The following ITPR1 variants were observed in gnomAD, a reference collection of about 807,000 sequenced individuals.
The protein encoded by ITPR1 is inositol 1,4,5-trisphosphate receptor type 1.
ITPR1 carries 96 observed loss-of-function variants against 318.4 expected under a neutral mutation model. That is an observed-to-expected ratio of 0.30 (90% CI 0.26 to 0.36). The LOEUF (loss-of-function observed/expected upper bound fraction) is 0.36. Among genes scored for constraint, ITPR1 ranks in the 10% least tolerant of loss-of-function variants. The pLI is 1.00. For missense variants in ITPR1, 2,440 were observed against 3,460.2 expected (o/e 0.71, Z 7.40); for synonymous variants, 1,312 against 1,289.9 (o/e 1.02, Z -0.37).
chr3:4,785,033 G>T (rs535215682), intron 51 of ITPR1, among the ~76,000 whole-genome samples: 19 of 152,302 alleles, frequency 1.2e-4, no homozygotes, highest in African/African-American at 4.1e-4. Context: ...AAGAAGACAA[G>T]CTGAAGCCAC....
intron 52 of ITPR1, among the ~76,000 whole-genome samples, chr3:4,793,193 T>C (rs2047680010): frequency 2.6e-5 from 4 of 152,240 alleles, no homozygotes; most frequent in Admixed American, 2.6e-4. Flanking sequence ...GTTAGCCTTA[T>C]AAAAATAAGA....
chr3:4,794,906 T>C, intron 52 of ITPR1, 159 bp from the exon 53 acceptor site: 1 of 737,612 alleles, frequency 1.4e-6, no homozygotes, highest in Non-Finnish European at 2.1e-6. Context: ...GATGTCATTA[T>C]GTACCAAGTT....
intron 51 of ITPR1, among the ~76,000 whole-genome samples, chr3:4,784,518 C>A (rs1386863080): frequency 6.6e-6 from 1 of 151,336 alleles, no homozygotes; most frequent in Non-Finnish European, 1.5e-5. Context: ...TGGGGAACCA[C>A]TGGAGAGTTT....
chr3:4,555,943 C>A (rs2086079101), intron 4 of ITPR1, among the ~76,000 whole-genome samples: 1 of 152,158 alleles, frequency 6.6e-6, no homozygotes, highest in African/African-American at 2.4e-5. Flanking sequence ...AGGATTTGCA[C>A]ACAAGCACTT....
At chr3:4,523,158 C>T (rs768699540) in intron 4 of ITPR1, among the ~76,000 whole-genome samples, 48 of 152,250 alleles carry the variant, frequency 3.2e-4, no homozygotes, top group Non-Finnish European at 5.3e-4. Flanking sequence ...GATATGCGTC[C>T]GGAAGGCATT....
At chr3:4,562,617 G>A (rs145839464) in intron 4 of ITPR1, among the ~76,000 whole-genome samples, 273 of 152,092 alleles carry the variant, frequency 1.8e-3, no homozygotes, top group African/African-American at 6.3e-3. Context: ...CCTGTATGTT[G>A]AGATTTTCCA....
In ITPR1 at chr3:4,768,695, C is replaced by T. The variant is rs753430331; in HGVS notation, c.5910C>T (p.Val1970=). The part of the protein sequence containing the change: ...KAKDDLEMSA[V]ITIMQPILRF... Reference sequence around the variant, plus strand: ...AGGACGACCTGGAGATGAGCGCGGTCATCACCATCATGCAGCCCATCCTCC... The same window carrying T: ...AGGACGACCTGGAGATGAGCGCGGTTATCACCATCATGCAGCCCATCCTCC... Residue 1970 remains valine (V), a synonymous_variant, in exon 46 of 62, where the codon GTC becomes GTT. Coordinates refer to ENST00000649015, the MANE Select transcript of ITPR1 (RefSeq NM_001378452.1). The T allele has an allele frequency of 1.7e-5, 28 of 1,613,742 alleles. 1 individual carries two copies. In the Middle Eastern group the frequency reaches 2.0e-3, roughly 114 times the overall value.
At chr3:4,721,044 A>C (rs1439295217) in intron 40 of ITPR1, among the ~76,000 whole-genome samples, 1 of 151,544 alleles carries the variant, frequency 6.6e-6, no homozygotes, top group African/African-American at 2.4e-5. Context: ...ACTGTTAGAC[A>C]CTGGCAACCA....
chr3:4,698,979 C>G (rs1427843319), intron 34 of ITPR1, among the ~76,000 whole-genome samples: 1 of 152,256 alleles, frequency 6.6e-6, no homozygotes, highest in African/African-American at 2.4e-5. Flanking sequence ...GTCAGTTATT[C>G]TGAAATATGG....
At chr3:4,609,519 A>G (rs1480438413) in intron 4 of ITPR1, among the ~76,000 whole-genome samples, 2 of 152,106 alleles carry the variant, frequency 1.3e-5, no homozygotes, top group Non-Finnish European at 2.9e-5. Flanking sequence ...CATTAGGGGT[A>G]CGTTGAATAT....
chr3:4,725,078 C>A (rs944765329), intron 40 of ITPR1, among the ~76,000 whole-genome samples: 1 of 151,978 alleles, frequency 6.6e-6, no homozygotes, highest in Non-Finnish European at 1.5e-5. Context: ...GGGAGAAAGC[C>A]TAAACCCACA....
chr3:4,494,129 C>T (rs553042709), intron 1 of ITPR1, among the ~76,000 whole-genome samples: 7 of 152,328 alleles, frequency 4.6e-5, no homozygotes, highest in African/African-American at 1.7e-4. Context: ...ACTTGGCCTT[C>T]TCGCCGGGAA....
chr3:4,650,006 C>T (rs1001280784), intron 10 of ITPR1, among the ~76,000 whole-genome samples: 2 of 152,178 alleles, frequency 1.3e-5, no homozygotes, highest in Non-Finnish European at 2.9e-5. Context: ...ACATTTAGAC[C>T]ATACCAGATA....
chr3:4,501,918 G>C (rs1030744443), intron 2 of ITPR1, among the ~76,000 whole-genome samples: 1 of 152,160 alleles, frequency 6.6e-6, no homozygotes, highest in Non-Finnish European at 1.5e-5. Flanking sequence ...CAGAACTTCT[G>C]GATGGCTTGA....
At chr3:4,782,872 G>A (rs145990124) in intron 50 of ITPR1, 131 bp downstream of exon 50, 54 of 837,914 alleles carry the variant, frequency 6.4e-5, no homozygotes, top group Non-Finnish European at 8.4e-5. Flanking sequence ...ATGAGCCTGC[G>A]GCTCACAGGT....
At chr3:4,624,341 G>T (rs750847116) in intron 4 of ITPR1, among the ~76,000 whole-genome samples, 19 of 152,174 alleles carry the variant, frequency 1.2e-4, no homozygotes, top group Non-Finnish European at 2.5e-4. Context: ...CATTAAGGAA[G>T]CCATTCTGGC....
At chr3:4,825,273 A>G (rs1375180745) in intron 60 of ITPR1, among the ~76,000 whole-genome samples, 1 of 152,174 alleles carries the variant, frequency 6.6e-6, no homozygotes, top group East Asian at 1.9e-4. Context: ...CTCTTCAGAA[A>G]CTAGCTATAC....
chr3:4,842,477 C>T (rs2051422351), intron 61 of ITPR1, among the ~76,000 whole-genome samples: 1 of 152,178 alleles, frequency 6.6e-6, no homozygotes, highest in African/African-American at 2.4e-5. Flanking sequence ...AAGTGATTCT[C>T]CTGCTTCAGG....
chr3:4,698,067 G>A (rs1361945726), intron 34 of ITPR1, among the ~76,000 whole-genome samples: 1 of 149,948 alleles, frequency 6.7e-6, no homozygotes, highest in Admixed American at 6.7e-5. Flanking sequence ...TTTTGCATTG[G>A]GCCTAATATT....
Sources: allele counts gnomAD v4.1 joint callset (sites outside exome capture counted in the v4.1 genomes callset), GRCh38; gene constraint gnomAD v4.1.1; transcripts MANE v1.5; gene names NCBI Gene and HGNC (gene_info 2026-07-23, HGNC 2026-07-21).